Variants in LINGO2 observed in about 807,000 individuals in gnomAD.
LINGO2 encodes the protein leucine rich repeat and Ig domain containing 2, also known as leucine-rich repeat and immunoglobulin-like domain-containing nogo receptor-interacting protein 2.
Under a neutral mutation model 30.6 loss-of-function variants are expected in LINGO2, and 14 were observed. The observed-to-expected ratio is 0.46, with a 90% CI of 0.30 to 0.72. The LOEUF is 0.72. LINGO2 is among the 30% of genes least tolerant of loss of function. The pLI is 0.07. For missense variants in LINGO2, 729 were observed against 751.7 expected (o/e 0.97, Z 0.35); for synonymous variants, 317 against 288.5 (o/e 1.10, Z -1.00).
chr9:28,964,018 AG>A, the LINGO2 span, among the ~76,000 whole-genome samples: 1 of 151,950 alleles, frequency 6.6e-6, no homozygotes. Flanking sequence ...TAATTGTGTC[AG>A]ATACTTTGTC....
At chr9:28,243,734 G>A (rs530073202) in intron 4 of LINGO2, among the ~76,000 whole-genome samples, 8 of 151,960 alleles carry the variant, frequency 5.3e-5, no homozygotes, top group Admixed American at 2.0e-4. Context: ...GAAGAAGGGC[G>A]TTACATAATG....
At chr9:29,048,615 A>C in the LINGO2 span, among the ~76,000 whole-genome samples, 1 of 152,184 alleles carries the variant, frequency 6.6e-6, no homozygotes, top group Non-Finnish European at 1.5e-5. Flanking sequence ...ACTGACATAA[A>C]AACAGAGACA....
chr9:28,936,599 A>T, the LINGO2 span, among the ~76,000 whole-genome samples: 1 of 152,182 alleles, frequency 6.6e-6, no homozygotes, highest in African/African-American at 2.4e-5. Context: ...CTGCTTGGAA[A>T]ACCAGTAGTC....
At chr9:28,087,157 C>G (rs973798179) in intron 4 of LINGO2, among the ~76,000 whole-genome samples, 1 of 152,034 alleles carries the variant, frequency 6.6e-6, no homozygotes, top group African/African-American at 2.4e-5. Flanking sequence ...CCAGTTAGCT[C>G]CTAGTCCACT....
intron 5 of LINGO2, among the ~76,000 whole-genome samples, chr9:27,968,674 A>G (rs989030411): frequency 6.6e-6 from 1 of 151,910 alleles, no homozygotes; most frequent in Non-Finnish European, 1.5e-5. Flanking sequence ...AAAATACAAT[A>G]AAAGTCCTTC....
At chr9:28,128,197 GA>G (rs1238133965) in intron 4 of LINGO2, among the ~76,000 whole-genome samples, 1 of 152,144 alleles carries the variant, frequency 6.6e-6, no homozygotes, top group Non-Finnish European at 1.5e-5. Context: ...ATCTAGAGAG[GA>G]AAAGTGAGTT....
chr9:28,121,805 C>G (rs1827103886), intron 4 of LINGO2, among the ~76,000 whole-genome samples: 2 of 152,182 alleles, frequency 1.3e-5, no homozygotes, highest in African/African-American at 4.8e-5. Context: ...CTTGTCATTA[C>G]TCCACTAGAA....
At position 28,079,674 on chromosome 9, in the gene LINGO2, G is replaced by A. The variant is rs111433281; in HGVS notation, c.-86-67269C>T. ...GCTCCTGGAGGTTGAACTGCCACAAGTTTCCTTATAAGTCTATAAATACAG... is the reference window on the plus strand; with the variant it reads ...GCTCCTGGAGGTTGAACTGCCACAAATTTCCTTATAAGTCTATAAATACAG... On this transcript the variant is annotated intron_variant, in intron 4 of 5. Transcript: ENST00000379992. Among the ~76,000 whole-genome samples the A allele has an allele frequency of 5.5e-3, 844 of 152,210 alleles. 15 individuals are homozygous for A. Among genetic ancestry groups the A allele is most frequent in the African/African-American group, 0.019 (805 of 41,512 alleles).
chr9:29,069,978 T>C, the LINGO2 span, among the ~76,000 whole-genome samples: 1 of 152,010 alleles, frequency 6.6e-6, no homozygotes, highest in South Asian at 2.1e-4. Flanking sequence ...TAGATGAGAT[T>C]AAAACACAAA....
the LINGO2 span, among the ~76,000 whole-genome samples, chr9:29,150,982 A>T: frequency 3.9e-5 from 6 of 152,126 alleles, no homozygotes; most frequent in Non-Finnish European, 8.8e-5. Context: ...GCAAACAAAA[A>T]AAATATATAT....
chr9:28,927,828 G>T, the LINGO2 span, among the ~76,000 whole-genome samples: 1 of 152,158 alleles, frequency 6.6e-6, no homozygotes. Context: ...ACATTTTACA[G>T]ATGAAGAAAC....
At chr9:28,699,555 C>T in the LINGO2 span, among the ~76,000 whole-genome samples, 18 of 151,968 alleles carry the variant, frequency 1.2e-4, no homozygotes, top group Middle Eastern at 3.4e-3. Flanking sequence ...TGAAAAAGAA[C>T]GGAATAACAA....
At chr9:28,064,174 C>T (rs1434365436) in intron 4 of LINGO2, among the ~76,000 whole-genome samples, 1 of 152,126 alleles carries the variant, frequency 6.6e-6, no homozygotes, top group East Asian at 1.9e-4. Flanking sequence ...AATGTCTAAT[C>T]ACCTTACCAG....
At chr9:27,949,531 T>C (rs997559529) in exon 6 of LINGO2, 6 of 1,613,718 alleles carry the variant, frequency 3.7e-6, no homozygotes, top group Middle Eastern at 1.6e-4. Context: ...CCAGCACACA[T>C]AGGTTGCTGG....
chr9:28,553,146 G>A (rs1434804753), intron 1 of LINGO2, among the ~76,000 whole-genome samples: 1 of 152,082 alleles, frequency 6.6e-6, no homozygotes, highest in Non-Finnish European at 1.5e-5. Flanking sequence ...AAGCTGGATG[G>A]AGAATGACTT....
At chr9:29,089,287 A>C in the LINGO2 span, among the ~76,000 whole-genome samples, 1 of 151,670 alleles carries the variant, frequency 6.6e-6, no homozygotes, top group Non-Finnish European at 1.5e-5. Flanking sequence ...ATCTCTTAGG[A>C]CAGAGCACAG....
At chr9:29,057,777 G>T in the LINGO2 span, among the ~76,000 whole-genome samples, 5 of 152,078 alleles carry the variant, frequency 3.3e-5, no homozygotes, top group Non-Finnish European at 7.4e-5. Flanking sequence ...AATAAACTGG[G>T]AGCAGAACAA....
the LINGO2 span, among the ~76,000 whole-genome samples, chr9:29,116,779 C>A: frequency 6.6e-6 from 1 of 151,900 alleles, no homozygotes; most frequent in Non-Finnish European, 1.5e-5. Context: ...TACACTATTT[C>A]ATTTGCAGCA....
the LINGO2 span, among the ~76,000 whole-genome samples, chr9:28,911,913 T>A: frequency 6.6e-6 from 1 of 152,142 alleles, no homozygotes; most frequent in African/African-American, 2.4e-5. Flanking sequence ...GACAGTTTCA[T>A]CTTACTCAGC....
Sources: gnomAD v4.1 joint callset for allele counts (sites outside exome capture counted in the v4.1 genomes callset) on GRCh38, gnomAD v4.1.1 for gene constraint, MANE v1.5 for transcripts, NCBI Gene and HGNC (gene_info 2026-07-23, HGNC 2026-07-21) for gene names.